KIAA0825: variants seen among roughly 807,000 people sequenced by gnomAD.
KIAA0825 encodes KIAA0825.
In KIAA0825, 119 loss-of-function variants were observed where a neutral mutation model predicts 147.6. The observed-to-expected ratio is 0.81, with a 90% CI of 0.69 to 0.94. The LOEUF (loss-of-function observed/expected upper bound fraction) is 0.94. Ranked by LOEUF, KIAA0825 falls within the 40% of genes least tolerant of loss-of-function variation. KIAA0825 has a pLI of 0.00. For synonymous variants in KIAA0825, 470 were observed against 518.1 expected (o/e 0.91, Z 1.26); for missense variants, 1,381 against 1,472.7 (o/e 0.94, Z 1.02).
At position 94,473,168 on chromosome 5, in the gene KIAA0825, G is replaced by T. The variant is rs1034330317; in HGVS notation, c.1455+124C>A. Reference sequence around the variant, plus strand: ...TACCACTGAAGAAAACTGGTACTGGGTCAAGTACCAAGTACTTGCCAAGGG... The same window carrying T: ...TACCACTGAAGAAAACTGGTACTGGTTCAAGTACCAAGTACTTGCCAAGGG... On this transcript the variant is annotated intron_variant, in intron 8 of 20. Coordinates refer to ENST00000682413, the MANE Select transcript of KIAA0825 (RefSeq NM_001145678.3). The T allele has an allele frequency of 7.0e-6, 5 of 713,812 alleles. No homozygotes were observed. The East Asian group carries it at 1.1e-4, about 15-fold the overall frequency. 44.2% of individuals were successfully genotyped at this position (713,812 alleles called of 1,614,324 possible).
intron 20 of KIAA0825, among the ~76,000 whole-genome samples, chr5:94,188,114 G>C (rs1001495919): frequency 6.6e-6 from 1 of 152,150 alleles, no homozygotes; most frequent in African/African-American, 2.4e-5. Flanking sequence ...ACCCAGAAGA[G>C]GACTCTCCCC....
chr5:94,216,954 T>G (rs1773255532), intron 20 of KIAA0825, among the ~76,000 whole-genome samples: 1 of 152,198 alleles, frequency 6.6e-6, no homozygotes, highest in Admixed American at 6.5e-5. Context: ...CATTTACTCC[T>G]TAATTATTGT....
Position 94,520,190 on chromosome 5 carries a change from A to C in KIAA0825, c.970+58T>G, listed in dbSNP as rs531197323. The C allele has an allele frequency of 5.5e-6, 8 of 1,447,334 alleles. No homozygotes were observed. The African/African-American group carries it at 9.9e-5, about 18-fold the overall frequency. The allele number at this position is 1,447,334 out of a possible 1,614,324, so 89.7% of individuals were successfully genotyped here. ...TAACCAAATAGAAAACATCTTAGAAAATTAAACATATTAAAAGACTTAAGT... is the reference window on the plus strand; with the variant it reads ...TAACCAAATAGAAAACATCTTAGAACATTAAACATATTAAAAGACTTAAGT... On this transcript the variant is annotated intron_variant, in intron 5 of 20. Coordinates refer to ENST00000682413, the MANE Select transcript of KIAA0825 (RefSeq NM_001145678.3).
At chr5:94,275,935 C>T (rs1255835371) in intron 20 of KIAA0825, among the ~76,000 whole-genome samples, 3 of 152,128 alleles carry the variant, frequency 2.0e-5, no homozygotes, top group Non-Finnish European at 2.9e-5. Context: ...TACTAGAGTG[C>T]AGGAAATGAA....
At chr5:94,274,234 A>C (rs1777117084) in intron 20 of KIAA0825, among the ~76,000 whole-genome samples, 2 of 152,126 alleles carry the variant, frequency 1.3e-5, no homozygotes, top group Non-Finnish European at 2.9e-5. Context: ...TTTTTGACAT[A>C]AGGCTGGTTA....
chr5:94,510,156 T>C (rs939508645), intron 5 of KIAA0825, among the ~76,000 whole-genome samples: 2 of 152,244 alleles, frequency 1.3e-5, no homozygotes, highest in Non-Finnish European at 2.9e-5. Flanking sequence ...GTGAAAATGC[T>C]AACACTAAAA....
chr5:94,462,649 G>A (rs1759979155), intron 11 of KIAA0825, 80 bp from the exon 12 acceptor site: 1 of 717,258 alleles, frequency 1.4e-6, no homozygotes, highest in South Asian at 2.7e-5. Flanking sequence ...CATATCTCTT[G>A]TACTAAGCAT....
At chr5:94,460,975 A>G (rs572831187) in intron 12 of KIAA0825, among the ~76,000 whole-genome samples, 2 of 152,138 alleles carry the variant, frequency 1.3e-5, no homozygotes, top group African/African-American at 4.8e-5. Flanking sequence ...AACCAGAGGC[A>G]GTGCTTAGCG....
intron 20 of KIAA0825, among the ~76,000 whole-genome samples, chr5:94,177,265 C>A (rs371032837): frequency 2.0e-5 from 3 of 152,020 alleles, no homozygotes; most frequent in South Asian, 2.1e-4. Flanking sequence ...TCCTGGGAAG[C>A]ATCATTAACT....
chr5:94,614,201 T>C (rs553021899), intron 1 of KIAA0825, among the ~76,000 whole-genome samples: 3 of 152,284 alleles, frequency 2.0e-5, no homozygotes, highest in East Asian at 3.9e-4. Context: ...CAAGACAATA[T>C]AGACAGTATT....
At chr5:94,266,174 T>A (rs1014163946) in intron 20 of KIAA0825, among the ~76,000 whole-genome samples, 3 of 152,214 alleles carry the variant, frequency 2.0e-5, no homozygotes, top group Non-Finnish European at 4.4e-5. Flanking sequence ...ATAATAAAAT[T>A]CAAGCATTCA....
intron 1 of KIAA0825, among the ~76,000 whole-genome samples, chr5:94,587,717 A>G (rs1404212827): frequency 6.6e-6 from 1 of 152,244 alleles, no homozygotes; most frequent in African/African-American, 2.4e-5. Context: ...TATGGAACCA[A>G]AAATGGGCCC....
chr5:94,247,243 C>A (rs374968573), intron 20 of KIAA0825, among the ~76,000 whole-genome samples: 1 of 152,096 alleles, frequency 6.6e-6, no homozygotes, highest in African/African-American at 2.4e-5. Flanking sequence ...GTTATTGACA[C>A]CTTTTCCCAG....
chr5:94,573,270 GTTTTTTTT>G (rs534638768), intron 2 of KIAA0825, among the ~76,000 whole-genome samples: 277 of 124,908 alleles, frequency 2.2e-3, no homozygotes, highest in African/African-American at 7.0e-3. Flanking sequence ...CTTTTTAAGT[GTTTTTTTT>G]TTTTTTTTTT....
At chr5:94,335,702 T>C (rs1781726683) in intron 20 of KIAA0825, among the ~76,000 whole-genome samples, 1 of 152,134 alleles carries the variant, frequency 6.6e-6, no homozygotes, top group Admixed American at 6.5e-5. Flanking sequence ...ATTTATCCTA[T>C]TCCCATTTTA....
At chr5:94,478,451 T>TCACA (rs6149119) in intron 6 of KIAA0825, among the ~76,000 whole-genome samples, 10,324 of 146,136 alleles carry the variant, frequency 0.071, 383 homozygotes, top group Admixed American at 0.094. Context: ...CACATGTGCA[T>TCACA]CACACACACA....
intron 1 of KIAA0825, among the ~76,000 whole-genome samples, chr5:94,608,738 GT>G (rs1788134695): frequency 6.6e-6 from 1 of 150,808 alleles, no homozygotes; most frequent in South Asian, 2.1e-4. Flanking sequence ...GACCGTATTT[GT>G]TGCCAATGAT....
At chr5:94,384,506 G>T in intron 19 of KIAA0825, 48 bp from the exon 20 acceptor site, 1 of 1,414,778 alleles carries the variant, frequency 7.1e-7, no homozygotes, top group Non-Finnish European at 9.8e-7. Context: ...ATTAATCAGA[G>T]TTAATATGAT....
chr5:94,470,061 A>G lies in KIAA0825; in HGVS notation c.1772T>C (p.Leu591Pro), dbSNP rs1761027292. Residue 591 changes from leucine (L) to proline (P), a missense_variant, in exon 10 of 21, where the codon CTA becomes CCA. Transcript: ENST00000682413. The stretch of plus-strand genomic sequence containing the variant: ...GCAGTAGTTCGTAACCTGAAACTGT[A>G]GAGTGTTGATGAATTCCTGATATCG... Reference protein sequence around the residue: ...VQRYQEFINTLQFQVTNYCVR... With the variant: ...VQRYQEFINTPQFQVTNYCVR... 6.4e-7 allele frequency: 1 copy of G among 1,551,522 alleles called. No homozygotes were observed. Among genetic ancestry groups the G allele is most frequent in the South Asian group, 1.2e-5 (1 of 84,068 alleles).
Sources: allele counts gnomAD v4.1 joint callset (sites outside exome capture counted in the v4.1 genomes callset), GRCh38; gene constraint gnomAD v4.1.1; transcripts MANE v1.5; gene names NCBI Gene and HGNC (gene_info 2026-07-23, HGNC 2026-07-21).